AOPEP: variants seen among roughly 807,000 people sequenced by gnomAD.
AOPEP encodes aminopeptidase O.
AOPEP carries 77 observed loss-of-function variants against 98.1 expected under a neutral mutation model. The ratio of observed to expected loss-of-function variants is 0.78; its 90% CI spans 0.65 to 0.95. AOPEP has a LOEUF of 0.95. Among genes scored for constraint, AOPEP ranks in the 40% least tolerant of loss-of-function variants. The probability of loss-of-function intolerance (pLI) is 0.00; values close to 1 mark genes in which losing one functional copy is unlikely to be tolerated. For synonymous variants in AOPEP, 346 were observed against 365.3 expected (o/e 0.95, Z 0.60); for missense variants, 1,024 against 1,024.7 (o/e 1.00, Z 0.01).
chr9:95,125,650 G>GCAAAA, the AOPEP span, among the ~76,000 whole-genome samples: 1 of 152,088 alleles, frequency 6.6e-6, no homozygotes, highest in Admixed American at 6.5e-5. Flanking sequence ...GTTTGTTTAA[G>GCAAAA]CAAAACAAAA....
chr9:95,078,982 T>A (rs1356995692), intron 14 of AOPEP, among the ~76,000 whole-genome samples: 4 of 152,222 alleles, frequency 2.6e-5, no homozygotes. Flanking sequence ...TAATTTCTGT[T>A]GGCTGTACAG....
intron 5 of AOPEP, chr9:94,920,354 AGG>A (rs1188303389): frequency 6.6e-6 from 1 of 152,372 alleles, no homozygotes; most frequent in Non-Finnish European, 1.5e-5. Context: ...GCTCTCCATG[AGG>A]GGAATTGGGG....
In AOPEP at chr9:94,924,072, C is replaced by G; in HGVS notation, c.1451C>G (p.Ala484Gly). The G allele has an allele frequency of 6.6e-7, 1 of 1,526,454 alleles. No individual in the cohort carries two copies. Among genetic ancestry groups the G allele is most frequent in the South Asian group, 1.2e-5 (1 of 80,278 alleles). 94.6% of individuals were successfully genotyped at this position (1,526,454 alleles called of 1,614,324 possible). The change falls in exon 6 of 17, where the codon GCC becomes GGC. Residue 484 changes from alanine to glycine, a missense_variant. Coordinates refer to ENST00000375315, the MANE Select transcript of AOPEP (RefSeq NM_001193329.3). The stretch of plus-strand genomic sequence containing the variant: ...CGCCTCTGCCATGAAATTGCCCATG[C>G]CTGGTTTGGCCTAGCCATCGGGGCC... ...GTRLCHEIAH[A>G]WFGLAIGARD...
intron 5 of AOPEP, among the ~76,000 whole-genome samples, chr9:94,821,439 A>T (rs1853104554): frequency 6.6e-6 from 1 of 152,242 alleles, no homozygotes; most frequent in Non-Finnish European, 1.5e-5. Flanking sequence ...TGTTGAGAAG[A>T]CAGAGACTTT....
In AOPEP at chr9:94,775,367, T is replaced by C. The variant is rs540348282; in HGVS notation, c.964+2199T>C. On this transcript the variant is annotated intron_variant, in intron 3 of 16. Coordinates refer to ENST00000375315, the MANE Select transcript of AOPEP (RefSeq NM_001193329.3). ...TGTACTGAAGTCACCGATGAGTATT[T>C]ACTTGATTTTTTTTTTTTTTTGAGA... is the stretch of plus-strand genomic sequence containing the variant. 1.1e-4 allele frequency among the ~76,000 whole-genome samples: 17 copies of C among 150,614 alleles called. No individual in the cohort carries two copies. In the East Asian group the frequency reaches 3.3e-3, roughly 29 times the overall value.
chr9:94,767,885 A>G (rs1418590611), intron 2 of AOPEP, among the ~76,000 whole-genome samples: 1 of 152,210 alleles, frequency 6.6e-6, no homozygotes, highest in East Asian at 1.9e-4. Flanking sequence ...CCGGAAGTAG[A>G]AAAGTAGAAT....
downstream of AOPEP, among the ~76,000 whole-genome samples, chr9:95,090,362 A>G (rs2070849814): frequency 6.6e-6 from 1 of 152,210 alleles, no homozygotes. Context: ...AGCCCGCAGG[A>G]GCCGGGCAGC....
chr9:95,071,013 C>T (rs557524903), intron 14 of AOPEP, among the ~76,000 whole-genome samples: 5 of 152,176 alleles, frequency 3.3e-5, no homozygotes, highest in South Asian at 2.1e-4. Context: ...CATCAGAAGA[C>T]GGAAAGACAG....
At chr9:94,733,720 A>C (rs1299409888) in intron 1 of AOPEP, among the ~76,000 whole-genome samples, 1 of 152,238 alleles carries the variant, frequency 6.6e-6, no homozygotes, top group East Asian at 1.9e-4. Context: ...TTAAATTTAA[A>C]AGATGATTGA....
intron 5 of AOPEP, chr9:94,900,568 T>C (rs1420426768): frequency 1.3e-5 from 2 of 152,274 alleles, no homozygotes; most frequent in Non-Finnish European, 2.9e-5. Flanking sequence ...TCCTGATTTA[T>C]CACTGCCTCT....
At chr9:95,125,109 C>T in the AOPEP span, 419 of 1,614,180 alleles carry the variant, frequency 2.6e-4, 3 homozygotes, top group East Asian at 7.7e-3. Flanking sequence ...TTCTCCAGAG[C>T]TTCTACAAAG....
At chr9:95,088,768 T>C (rs1410402490), downstream of AOPEP, among the ~76,000 whole-genome samples, 1 of 152,228 alleles carries the variant, frequency 6.6e-6, no homozygotes, top group Admixed American at 6.5e-5. Flanking sequence ...AACTGCTGAA[T>C]AGGTGGGGTT....
At chr9:95,150,198 T>C in the AOPEP span, 1 of 1,076,392 alleles carries the variant, frequency 9.3e-7, no homozygotes, top group African/African-American at 1.6e-5. Flanking sequence ...GTTTTGCCTC[T>C]AAATAAAGAG....
At chr9:94,747,310 C>G (rs1834728823) in intron 1 of AOPEP, among the ~76,000 whole-genome samples, 1 of 152,106 alleles carries the variant, frequency 6.6e-6, no homozygotes, top group South Asian at 2.1e-4. Flanking sequence ...GCAAAATCCC[C>G]TTTTCATTAT....
chr9:94,867,859 T>A (rs1564288404), intron 5 of AOPEP, among the ~76,000 whole-genome samples: 2 of 152,230 alleles, frequency 1.3e-5, no homozygotes, highest in African/African-American at 4.8e-5. Context: ...ACGAGGTAAT[T>A]TAAGCCAGTT....
At position 94,924,108 on chromosome 9, in the gene AOPEP, C is replaced by T. The variant is rs748848448; in HGVS notation, c.1487C>T (p.Thr496Met). ...CTAGCCATCGGGGCCCGAGACTGGA[C>T]GGAGGAGTGGCTGAGTGAAGGCTTC... ...FGLAIGARDWTEEWLSEGFAT... is the reference protein window; with the variant it reads ...FGLAIGARDWMEEWLSEGFAT... Residue 496 changes from threonine to methionine, a missense_variant, in exon 6 of 17, where the codon ACG (threonine) becomes ATG (methionine). Thr to Met is a moderately conservative substitution (Grantham distance 81, BLOSUM62 -1). Transcript: ENST00000375315. 313 of 1,511,264 alleles carry T rather than the reference C, an allele frequency of 2.1e-4. No individual in the cohort carries two copies. The highest frequency in any genetic ancestry group is 2.6e-4 in the Non-Finnish European group (292 of 1,126,876). 93.6% of individuals were successfully genotyped at this position (1,511,264 alleles called of 1,614,324 possible). A position where few individuals can be genotyped will look rare whatever the true frequency, so the allele number is the denominator to read the frequency against.
At chr9:95,064,601 T>C (rs918439864) in intron 14 of AOPEP, among the ~76,000 whole-genome samples, 1 of 152,224 alleles carries the variant, frequency 6.6e-6, no homozygotes, top group South Asian at 2.1e-4. Context: ...GTCTACCTCT[T>C]TTGATGCATC....
At chr9:94,976,001 C>G (rs2059816883) in intron 10 of AOPEP, among the ~76,000 whole-genome samples, 1 of 152,218 alleles carries the variant, frequency 6.6e-6, no homozygotes, top group Non-Finnish European at 1.5e-5. Flanking sequence ...CACCAGGACC[C>G]AGTCATGCAT....
rs540622405 is a variant in AOPEP, at chr9:94,950,891, A to G, written c.1662-4286A>G. On this transcript the variant is annotated intron_variant, in intron 7 of 16. Coordinates refer to ENST00000375315, the MANE Select transcript of AOPEP (RefSeq NM_001193329.3). ...AGGACAGTTCAGAGGCATTTTCTCA[A>G]ATCCCACCCTTGGGGTTATCCTGCA... 8.5e-5 allele frequency among the ~76,000 whole-genome samples: 13 copies of G among 152,318 alleles called. 1 individual carries two copies. In the South Asian group the frequency reaches 2.7e-3, roughly 32 times the overall value.
Sources: allele counts gnomAD v4.1 joint callset (sites outside exome capture counted in the v4.1 genomes callset), GRCh38; gene constraint gnomAD v4.1.1; transcripts MANE v1.5; gene names NCBI Gene and HGNC (gene_info 2026-07-23, HGNC 2026-07-21).